KHDRBS2: variants seen among roughly 807,000 people sequenced by gnomAD.
KHDRBS2 encodes the protein KH domain-containing, RNA-binding, signal transduction-associated protein 2.
Under a neutral mutation model 44.3 loss-of-function variants are expected in KHDRBS2, and 26 were observed. The ratio of observed to expected loss-of-function variants is 0.59; its 90% confidence interval spans 0.43 to 0.81. KHDRBS2 has a LOEUF of 0.81. Ranked by LOEUF, KHDRBS2 falls within the 40% of genes least tolerant of loss-of-function variation. The probability of loss-of-function intolerance (pLI) is 0.00; values close to 1 mark genes in which losing one functional copy is unlikely to be tolerated. For synonymous variants in KHDRBS2, 194 were observed against 151.1 expected (o/e 1.28, Z -2.08); for missense variants, 476 against 433.1 (o/e 1.10, Z -0.88).
At chr6:62,086,897 A>T (rs1258331480) in intron 2 of KHDRBS2, among the ~76,000 whole-genome samples, 5 of 151,998 alleles carry the variant, frequency 3.3e-5, no homozygotes, top group Non-Finnish European at 7.4e-5. Flanking sequence ...CTGAGCAAAA[A>T]TTACCAAGAG....
chr6:62,079,244 T>C (rs1159081178), intron 2 of KHDRBS2, among the ~76,000 whole-genome samples: 2 of 152,044 alleles, frequency 1.3e-5, no homozygotes, highest in Admixed American at 1.3e-4. Context: ...AAAGTGTTTT[T>C]TTCTATTAAT....
chr6:61,722,042 G>A (rs933851360), intron 7 of KHDRBS2, among the ~76,000 whole-genome samples: 1 of 151,418 alleles, frequency 6.6e-6, no homozygotes, highest in African/African-American at 2.4e-5. Context: ...ATAATCATGT[G>A]GTTTTTGTCT....
chr6:61,551,661 C>G, the KHDRBS2 span, among the ~76,000 whole-genome samples: 1 of 152,018 alleles, frequency 6.6e-6, no homozygotes, highest in Non-Finnish European at 1.5e-5. Flanking sequence ...TTGTTGAAGA[C>G]CAGATGGTTG....
the KHDRBS2 span, among the ~76,000 whole-genome samples, chr6:61,589,117 T>C: frequency 2.0e-5 from 3 of 152,046 alleles, no homozygotes; most frequent in Non-Finnish European, 2.9e-5. Flanking sequence ...AACAAATACC[T>C]AATGCATGCA....
At chr6:62,074,284 C>G (rs1795896789) in intron 2 of KHDRBS2, among the ~76,000 whole-genome samples, 1 of 151,840 alleles carries the variant, frequency 6.6e-6, no homozygotes, top group African/African-American at 2.4e-5. Context: ...CTGTGTTAAG[C>G]CACTACATTT....
At chr6:61,648,483 A>C in the KHDRBS2 span, among the ~76,000 whole-genome samples, 1 of 152,110 alleles carries the variant, frequency 6.6e-6, no homozygotes, top group African/African-American at 2.4e-5. Flanking sequence ...ATATGTTCAG[A>C]TTGCCCATTC....
chr6:61,581,103 T>A, the KHDRBS2 span, among the ~76,000 whole-genome samples: 2 of 152,222 alleles, frequency 1.3e-5, no homozygotes, highest in African/African-American at 4.8e-5. Context: ...TCCCCTTTTC[T>A]ACTCATCCCC....
At chr6:62,017,697 G>A (rs1190931327) in intron 3 of KHDRBS2, among the ~76,000 whole-genome samples, 1 of 152,018 alleles carries the variant, frequency 6.6e-6, no homozygotes, top group Non-Finnish European at 1.5e-5. Context: ...ATAATGTAGT[G>A]TTCAGAGATC....
At chr6:61,788,760 A>G (rs765445530) in intron 6 of KHDRBS2, among the ~76,000 whole-genome samples, 10 of 151,314 alleles carry the variant, frequency 6.6e-5, no homozygotes, top group African/African-American at 9.7e-5. Flanking sequence ...CTGAAACCAA[A>G]TTGAAGTTTA....
At chr6:61,940,822 T>C (rs772618092) in intron 4 of KHDRBS2, among the ~76,000 whole-genome samples, 30 of 152,246 alleles carry the variant, frequency 2.0e-4, no homozygotes, top group Middle Eastern at 3.4e-3. Context: ...ACTATTGCTG[T>C]TGAGGCTTAG....
intron 6 of KHDRBS2, among the ~76,000 whole-genome samples, chr6:61,854,307 T>C (rs1055898252): frequency 3.3e-5 from 5 of 152,136 alleles, no homozygotes; most frequent in African/African-American, 1.2e-4. Flanking sequence ...CTTTAATGTA[T>C]GCCTTTTATA....
At chr6:61,936,486 C>T (rs146119783) in intron 4 of KHDRBS2, among the ~76,000 whole-genome samples, 190 of 151,966 alleles carry the variant, frequency 1.3e-3, no homozygotes, top group Non-Finnish European at 2.0e-3. Flanking sequence ...AACCATACTC[C>T]TATATATTCT....
intron 6 of KHDRBS2, among the ~76,000 whole-genome samples, chr6:61,865,959 G>A (rs533872693): frequency 1.3e-5 from 2 of 152,314 alleles, no homozygotes; most frequent in South Asian, 4.1e-4. Flanking sequence ...GCTTTGCAAG[G>A]TAAAGCCTTC....
chr6:62,092,486 G>T (rs1237105012), intron 2 of KHDRBS2, among the ~76,000 whole-genome samples: 1 of 152,108 alleles, frequency 6.6e-6, no homozygotes, highest in African/African-American at 2.4e-5. Flanking sequence ...CTATAAAGTT[G>T]GAATGGTAAG....
At chr6:62,200,687 G>A (rs1034362603) in intron 1 of KHDRBS2, among the ~76,000 whole-genome samples, 7 of 152,134 alleles carry the variant, frequency 4.6e-5, no homozygotes, top group East Asian at 1.9e-4. Context: ...TGATTCTTCA[G>A]GGATCTAGAA....
chr6:62,261,473 T>C (rs1365332769), intron 1 of KHDRBS2, among the ~76,000 whole-genome samples: 3 of 151,858 alleles, frequency 2.0e-5, no homozygotes, highest in South Asian at 4.1e-4. Context: ...CAAAAAGCAT[T>C]ATATAAAGTG....
chr6:61,953,152 T>G (rs1765124829), intron 4 of KHDRBS2, among the ~76,000 whole-genome samples: 1 of 152,026 alleles, frequency 6.6e-6, no homozygotes, highest in Non-Finnish European at 1.5e-5. Context: ...ATCTAGTGTT[T>G]TCAAATCACT....
intron 4 of KHDRBS2, among the ~76,000 whole-genome samples, chr6:61,946,641 C>A (rs886216454): frequency 1.3e-5 from 2 of 152,044 alleles, no homozygotes; most frequent in African/African-American, 4.8e-5. Context: ...GATAAGCCAT[C>A]CTGAATCTAA....
chr6:62,088,400 C>T (rs752565981), intron 2 of KHDRBS2, among the ~76,000 whole-genome samples: 54 of 152,208 alleles, frequency 3.5e-4, no homozygotes, highest in Admixed American at 9.2e-4. Flanking sequence ...TCATTCTTTT[C>T]GTTGATGGTG....
Sources: allele counts gnomAD v4.1 joint callset (sites outside exome capture counted in the v4.1 genomes callset), GRCh38; gene constraint gnomAD v4.1.1; transcripts MANE v1.5; gene names NCBI Gene and HGNC (gene_info 2026-07-23, HGNC 2026-07-21).